The following MAGI1 variants were observed in gnomAD, a reference collection of about 807,000 sequenced individuals.
The protein encoded by MAGI1 is membrane-associated guanylate kinase, WW and PDZ domain-containing protein 1.
Under a neutral mutation model 139.9 loss-of-function variants are expected in MAGI1, and 58 were observed. The observed-to-expected ratio is 0.41, with a 90% CI of 0.34 to 0.52. MAGI1 has a LOEUF of 0.52. Ranked by LOEUF, MAGI1 falls within the 20% of genes least tolerant of loss-of-function variation. The pLI is 0.12. For synonymous variants in MAGI1, 812 were observed against 737.9 expected, an observed-to-expected ratio of 1.10 and a Z score of -1.63; for missense variants, 1,874 against 1,901.6, an observed-to-expected ratio of 0.99 and a Z score of 0.27.
intron 1 of MAGI1, among the ~76,000 whole-genome samples, chr3:66,006,626 TACCAGA>T (rs1560104127): frequency 6.6e-6 from 1 of 152,172 alleles, no homozygotes; most frequent in East Asian, 1.9e-4. Context: ...CATCCTATGG[TACCAGA>T]ACTTTAAGGA....
At chr3:65,587,683 T>C (rs1206444509) in intron 2 of MAGI1, among the ~76,000 whole-genome samples, 1 of 151,952 alleles carries the variant, frequency 6.6e-6, no homozygotes, top group African/African-American at 2.4e-5. Flanking sequence ...GGTTTCACCA[T>C]GTTGCCCAGG....
intron 2 of MAGI1, among the ~76,000 whole-genome samples, chr3:65,519,322 A>G (rs1306159855): frequency 1.3e-5 from 2 of 149,390 alleles, no homozygotes; most frequent in Admixed American, 6.7e-5. Context: ...TCATCACAGG[A>G]GTATCATGAT....
intron 1 of MAGI1, among the ~76,000 whole-genome samples, chr3:65,949,048 T>C (rs1284477780): frequency 6.6e-6 from 1 of 152,206 alleles, no homozygotes; most frequent in East Asian, 1.9e-4. Flanking sequence ...CATTGTGCTG[T>C]CAGACACTCT....
At chr3:65,987,862 C>T (rs2065961194) in intron 1 of MAGI1, among the ~76,000 whole-genome samples, 1 of 152,220 alleles carries the variant, frequency 6.6e-6, no homozygotes, top group Non-Finnish European at 1.5e-5. Flanking sequence ...AGCCACTGCT[C>T]CCGACTACAG....
chr3:65,389,733 G>C (rs567580152), intron 14 of MAGI1, among the ~76,000 whole-genome samples: 8 of 152,224 alleles, frequency 5.3e-5, no homozygotes, highest in African/African-American at 1.9e-4. Context: ...GGTACTTTAG[G>C]GGTGTCTTTC....
intron 1 of MAGI1, among the ~76,000 whole-genome samples, chr3:65,656,888 C>T (rs576529734): frequency 6.7e-6 from 1 of 148,512 alleles, no homozygotes; most frequent in East Asian, 2.0e-4. Context: ...ATCCCAGCTA[C>T]TCGGGAGGCT....
At chr3:65,515,008 A>C (rs889125591) in intron 2 of MAGI1, among the ~76,000 whole-genome samples, 3 of 147,196 alleles carry the variant, frequency 2.0e-5, no homozygotes, top group Non-Finnish European at 4.5e-5. Flanking sequence ...TGTCCTTTAT[A>C]GGGACATGGA....
At chr3:65,831,010 C>T (rs925289162) in intron 1 of MAGI1, among the ~76,000 whole-genome samples, 3 of 117,164 alleles carry the variant, frequency 2.6e-5, no homozygotes, top group African/African-American at 7.9e-5. Context: ...GCAATTGGAC[C>T]TCTCTGAGCT....
At chr3:65,659,784 C>T (rs1576630648) in intron 1 of MAGI1, among the ~76,000 whole-genome samples, 2 of 152,134 alleles carry the variant, frequency 1.3e-5, no homozygotes, top group Non-Finnish European at 1.5e-5. Flanking sequence ...AACTGAAGTC[C>T]CACCGGCGTT....
At chr3:65,683,657 G>GATATATATATAT (rs377247002) in intron 1 of MAGI1, among the ~76,000 whole-genome samples, 74 of 86,426 alleles carry the variant, frequency 8.6e-4, no homozygotes, top group African/African-American at 1.5e-3. Context: ...GACTGAATAG[G>GATATATATATAT]ATATATATAT....
chr3:65,788,806 A>G (rs1341895993), intron 1 of MAGI1, among the ~76,000 whole-genome samples: 1 of 152,208 alleles, frequency 6.6e-6, no homozygotes, highest in Non-Finnish European at 1.5e-5. Flanking sequence ...GGAGTTGCTC[A>G]GTGAAAACAC....
intron 1 of MAGI1, among the ~76,000 whole-genome samples, chr3:65,995,088 TTGTC>T (rs761754643): frequency 1.3e-5 from 2 of 152,078 alleles, no homozygotes; most frequent in Non-Finnish European, 1.5e-5. Context: ...GACAAAAACA[TTGTC>T]TGTTCCCCAC....
intron 1 of MAGI1, among the ~76,000 whole-genome samples, chr3:65,624,597 T>C (rs564391497): frequency 6.6e-5 from 10 of 152,282 alleles, no homozygotes; most frequent in Admixed American, 6.5e-4. Context: ...GACTAATTTA[T>C]AGTGAGAGAA....
At chr3:65,792,683 T>C (rs1207993249) in intron 1 of MAGI1, among the ~76,000 whole-genome samples, 1 of 152,092 alleles carries the variant, frequency 6.6e-6, no homozygotes, top group African/African-American at 2.4e-5. Flanking sequence ...GTATACAGCA[T>C]GGGTCCGATG....
At chr3:65,701,440 A>G (rs1207225885) in intron 1 of MAGI1, among the ~76,000 whole-genome samples, 5 of 152,128 alleles carry the variant, frequency 3.3e-5, no homozygotes, top group South Asian at 4.1e-4. Flanking sequence ...TTTAGTAGAG[A>G]CGGGGTTTCG....
chr3:65,360,141 C>T, intron 22 of MAGI1: 25 of 985,290 alleles, frequency 2.5e-5, no homozygotes, highest in Non-Finnish European at 3.0e-5. Flanking sequence ...CTATCCTTCT[C>T]CTTGAGCTGC....
At chr3:65,834,346 T>C (rs2042688525) in intron 1 of MAGI1, among the ~76,000 whole-genome samples, 1 of 152,218 alleles carries the variant, frequency 6.6e-6, no homozygotes, top group Admixed American at 6.5e-5. Flanking sequence ...ACAGTGTGAA[T>C]GAGCTTAACA....
At chr3:65,596,565 G>A (rs2082208875) in intron 2 of MAGI1, among the ~76,000 whole-genome samples, 1 of 152,140 alleles carries the variant, frequency 6.6e-6, no homozygotes. Context: ...ATTTAGTTCA[G>A]GCACAAATCC....
intron 1 of MAGI1, among the ~76,000 whole-genome samples, chr3:65,950,140 T>TTA (rs1553736826): frequency 1.3e-4 from 19 of 148,616 alleles, no homozygotes; most frequent in African/African-American, 4.4e-4. Context: ...TTTTTTTTTT[T>TTA]ACTTTACAGC....
Sources: allele counts gnomAD v4.1 joint callset (sites outside exome capture counted in the v4.1 genomes callset), GRCh38; gene constraint gnomAD v4.1.1; transcripts MANE v1.5; gene names NCBI Gene and HGNC (gene_info 2026-07-23, HGNC 2026-07-21).